Variants in RALYL observed in about 807,000 individuals in gnomAD.
The protein encoded by RALYL is RNA-binding Raly-like protein.
Under a neutral mutation model 35.1 loss-of-function variants are expected in RALYL, and 29 were observed. The observed-to-expected ratio is 0.83, with a 90% CI of 0.61 to 1.13. The LOEUF is 1.13. Ranked by LOEUF, RALYL falls within the 50% of genes most tolerant of loss-of-function variation. RALYL has a pLI of 0.00. For synonymous variants in RALYL, 120 were observed against 127.6 expected (o/e 0.94, Z 0.40); for missense variants, 359 against 360.4 (o/e 1.00, Z 0.03).
intron 1 of RALYL, among the ~76,000 whole-genome samples, chr8:84,378,386 GT>G (rs1249334462): frequency 6.6e-6 from 1 of 151,722 alleles, no homozygotes; most frequent in African/African-American, 2.4e-5. Context: ...GCATTTGAGA[GT>G]TTAATTATGT....
rs1854572226 is a variant in RALYL, at chr8:84,367,318, A to AATTT, written c.-23-161981_-23-161980insATTT. Among the ~76,000 whole-genome samples the AATTT allele has an allele frequency of 7.3e-5, 2 of 27,400 alleles. 1 individual carries two copies. The highest frequency in any genetic ancestry group is 2.0e-4 in the Non-Finnish European group (2 of 10,140). The allele number at this position is 27,400 out of a possible 152,430, so 18.0% of individuals were successfully genotyped here. ...GCCATCCTGCCCAACTAATTTTTGT[A>AATTT]TTTTTTTTTTTTTTTTTTTTTTTTT... On this transcript the variant is annotated intron_variant, in intron 1 of 8. Coordinates refer to ENST00000521268, the MANE Select transcript of RALYL (RefSeq NM_173848.7).
At chr8:84,359,801 G>A (rs1244984153) in intron 1 of RALYL, among the ~76,000 whole-genome samples, 1 of 151,180 alleles carries the variant, frequency 6.6e-6, no homozygotes, top group Non-Finnish European at 1.5e-5. Context: ...GACCTGCCCT[G>A]TGTTATTCAA....
chr8:84,450,242 A>G (rs2049313471), intron 1 of RALYL, among the ~76,000 whole-genome samples: 2 of 152,014 alleles, frequency 1.3e-5, no homozygotes, highest in African/African-American at 4.8e-5. Context: ...GGGAATGATT[A>G]CTAAAAAGAT....
intron 6 of RALYL, chr8:84,864,666 T>C (rs1838815374): frequency 2.6e-6 from 1 of 390,812 alleles, no homozygotes; most frequent in African/African-American, 2.1e-5. Context: ...TCCAAGGGAT[T>C]ACTGCAGAGA....
chr8:84,724,256 G>A (rs995501023), intron 2 of RALYL, among the ~76,000 whole-genome samples: 2 of 151,712 alleles, frequency 1.3e-5, no homozygotes, highest in Non-Finnish European at 3.0e-5. Context: ...CCTCTTAATG[G>A]TTGGAAATTT....
chr8:84,860,642 T>A (rs145246014), intron 5 of RALYL, among the ~76,000 whole-genome samples: 1 of 152,336 alleles, frequency 6.6e-6, no homozygotes, highest in East Asian at 1.9e-4. Flanking sequence ...AAGTAAACTA[T>A]TATGTGTTGA....
intron 1 of RALYL, among the ~76,000 whole-genome samples, chr8:84,276,766 C>G (rs952174728): frequency 1.3e-5 from 2 of 152,138 alleles, no homozygotes; most frequent in East Asian, 1.9e-4. Context: ...TGGAATTGCT[C>G]TAGTCATTCT....
At chr8:84,471,939 C>G (rs1056077796) in intron 1 of RALYL, among the ~76,000 whole-genome samples, 1 of 152,096 alleles carries the variant, frequency 6.6e-6, no homozygotes, top group Non-Finnish European at 1.5e-5. Flanking sequence ...AATTACAATA[C>G]TTTGGACAAT....
chr8:84,325,261 G>A (rs1336854938), intron 1 of RALYL, among the ~76,000 whole-genome samples: 2 of 152,130 alleles, frequency 1.3e-5, no homozygotes, highest in African/African-American at 4.8e-5. Context: ...AAACCGTTCA[G>A]TTGCAGTTGT....
At chr8:84,262,291 A>G (rs1174520960) in intron 1 of RALYL, among the ~76,000 whole-genome samples, 2 of 152,142 alleles carry the variant, frequency 1.3e-5, no homozygotes, top group African/African-American at 4.8e-5. Flanking sequence ...TATATGCATA[A>G]GAGTGTTTGT....
At chr8:84,475,161 T>G (rs1322934920) in intron 1 of RALYL, among the ~76,000 whole-genome samples, 3 of 151,770 alleles carry the variant, frequency 2.0e-5, no homozygotes, top group Non-Finnish European at 2.9e-5. Context: ...ACATGTGGTG[T>G]TTGGTTTTCT....
At chr8:84,659,734 T>G (rs1394892970) in intron 2 of RALYL, among the ~76,000 whole-genome samples, 2 of 152,174 alleles carry the variant, frequency 1.3e-5, no homozygotes, top group Admixed American at 6.6e-5. Flanking sequence ...ATAAATATCA[T>G]GTATTGCTTT....
At chr8:84,538,102 C>G (rs146387115) in intron 2 of RALYL, among the ~76,000 whole-genome samples, 2 of 152,266 alleles carry the variant, frequency 1.3e-5, no homozygotes, top group African/African-American at 2.4e-5. Flanking sequence ...CAAGCCTCCA[C>G]GATAGAGTGA....
At chr8:84,754,931 T>A (rs768207040) in intron 2 of RALYL, among the ~76,000 whole-genome samples, 1 of 152,208 alleles carries the variant, frequency 6.6e-6, no homozygotes, top group Non-Finnish European at 1.5e-5. Flanking sequence ...TGGTACAAAT[T>A]TCTTTTTGGT....
At chr8:84,827,247 A>G (rs1439909089) in intron 4 of RALYL, among the ~76,000 whole-genome samples, 1 of 152,150 alleles carries the variant, frequency 6.6e-6, no homozygotes, top group African/African-American at 2.4e-5. Flanking sequence ...AACTTAGAGG[A>G]CAACATTATT....
intron 2 of RALYL, among the ~76,000 whole-genome samples, chr8:84,709,428 A>G (rs531613046): frequency 4.6e-5 from 7 of 152,102 alleles, no homozygotes; most frequent in Non-Finnish European, 8.8e-5. Context: ...ATGGACATAC[A>G]CGTGTATATA....
intron 2 of RALYL, among the ~76,000 whole-genome samples, chr8:84,760,199 T>A (rs1296973956): frequency 1.3e-5 from 2 of 152,176 alleles, no homozygotes; most frequent in Non-Finnish European, 2.9e-5. Flanking sequence ...ACTGTAAATT[T>A]AGTTTAAAAT....
At chr8:84,856,990 T>C (rs1037306577) in intron 5 of RALYL, among the ~76,000 whole-genome samples, 2 of 128,972 alleles carry the variant, frequency 1.6e-5, no homozygotes, top group Non-Finnish European at 3.1e-5. Context: ...ATTGCGCCAC[T>C]GCAGTCCGCA....
intron 2 of RALYL, among the ~76,000 whole-genome samples, chr8:84,658,651 GTC>G (rs1197916734): frequency 6.6e-6 from 1 of 151,986 alleles, no homozygotes; most frequent in Non-Finnish European, 1.5e-5. Context: ...AGAGCTGATG[GTC>G]TCTCTGCTTG....
Sources: allele counts gnomAD v4.1 joint callset (sites outside exome capture counted in the v4.1 genomes callset), GRCh38; gene constraint gnomAD v4.1.1; transcripts MANE v1.5; gene names NCBI Gene and HGNC (gene_info 2026-07-23, HGNC 2026-07-21).